Variants in PTPRK observed in about 807,000 individuals in gnomAD.
PTPRK encodes protein tyrosine phosphatase receptor type K.
A neutral mutation model predicts 178.0 loss-of-function variants in PTPRK; 75 were observed. That is an observed-to-expected ratio of 0.42 (90% CI 0.35 to 0.51). PTPRK has a LOEUF of 0.51. Among genes scored for constraint, PTPRK ranks in the 20% least tolerant of loss-of-function variants. The pLI, the probability that PTPRK is intolerant of heterozygous loss-of-function variation, is 0.02. For missense variants in PTPRK, 1,441 were observed against 1,797.8 expected (o/e 0.80, Z 3.59); for synonymous variants, 637 against 620.6 (o/e 1.03, Z -0.39).
At chr6:128,498,538 C>T (rs1855071069) in intron 1 of PTPRK, among the ~76,000 whole-genome samples, 2 of 152,148 alleles carry the variant, frequency 1.3e-5, no homozygotes, top group South Asian at 2.1e-4. Flanking sequence ...GGCATCAATG[C>T]TCCTCTGTCC....
At position 128,110,076 on chromosome 6, in the gene PTPRK, AT is replaced by A. The variant is rs1319791396; in HGVS notation, c.1163-20085del. Among the ~76,000 whole-genome samples the A allele has an allele frequency of 2.6e-5, 4 of 152,048 alleles. No individual in the cohort carries two copies. In the East Asian group the frequency reaches 7.7e-4, roughly 29 times the overall value. Reference sequence around the variant, plus strand: ...ATGCACCACCATGTTGATTTGTTTTATTTTTTGGGGCTACTTATTTTTATTT... The same window carrying A: ...ATGCACCACCATGTTGATTTGTTTTATTTTTGGGGCTACTTATTTTTATTT... On this transcript the variant is annotated intron_variant, in intron 7 of 29. Transcript: ENST00000368226.
At chr6:128,440,481 G>T (rs1846140336) in intron 1 of PTPRK, among the ~76,000 whole-genome samples, 1 of 152,064 alleles carries the variant, frequency 6.6e-6, no homozygotes, top group African/African-American at 2.4e-5. Flanking sequence ...AAATATATTT[G>T]TATGTTTCAA....
At chr6:128,351,717 A>G (rs1442753544) in intron 2 of PTPRK, among the ~76,000 whole-genome samples, 1 of 152,176 alleles carries the variant, frequency 6.6e-6, no homozygotes, top group Non-Finnish European at 1.5e-5. Context: ...ACTTACATGA[A>G]ACAAATAAAA....
At chr6:128,342,389 G>A (rs1831791663) in intron 2 of PTPRK, among the ~76,000 whole-genome samples, 1 of 151,990 alleles carries the variant, frequency 6.6e-6, no homozygotes, top group Admixed American at 6.6e-5. Flanking sequence ...AAAGACCAAG[G>A]TTTCTATAAG....
At chr6:128,018,808 G>A (rs771942909) in intron 13 of PTPRK, among the ~76,000 whole-genome samples, 1 of 151,990 alleles carries the variant, frequency 6.6e-6, no homozygotes, top group South Asian at 2.1e-4. Flanking sequence ...ATTAGATGGA[G>A]GGAAGTCTAC....
At chr6:128,017,250 T>C (rs1369221011) in intron 13 of PTPRK, among the ~76,000 whole-genome samples, 2 of 152,062 alleles carry the variant, frequency 1.3e-5, no homozygotes, top group African/African-American at 4.8e-5. Flanking sequence ...GATAGCATCT[T>C]GTTAATCTTT....
chr6:128,222,957 C>T (rs1390089476), intron 5 of PTPRK, among the ~76,000 whole-genome samples: 2 of 152,120 alleles, frequency 1.3e-5, no homozygotes, highest in African/African-American at 4.8e-5. Flanking sequence ...CGCATTCCAT[C>T]AGCTCATATA....
At chr6:128,480,109 C>T (rs1385696394) in intron 1 of PTPRK, among the ~76,000 whole-genome samples, 1 of 152,186 alleles carries the variant, frequency 6.6e-6, no homozygotes, top group East Asian at 1.9e-4. Flanking sequence ...CACCTTAGGC[C>T]AATGTTCTTT....
Position 127,991,322 on chromosome 6 carries a change from A to G in PTPRK, c.2951T>C (p.Met984Thr). 6.3e-7 allele frequency: 1 copy of G among 1,598,090 alleles called. No individual in the cohort carries two copies. The highest frequency in any genetic ancestry group is 8.5e-7 in the Non-Finnish European group (1 of 1,172,740). Residue 984 changes from methionine to threonine, a missense_variant, in exon 20 of 30, where the codon ATG (methionine) becomes ACG (threonine). This residue lies in a region of PTPRK where 945 missense variants were observed against 1,080.6 expected (regional missense o/e 0.87). Coordinates refer to ENST00000368226, the MANE Select transcript of PTPRK (RefSeq NM_002844.4). ...IWQEQSACIVMVTNLVEVGRV... is the reference protein window; with the variant it reads ...IWQEQSACIVTVTNLVEVGRV... ...GCCAACCTCAACTAAATTTGTAACC[A>G]TCACAATGCAAGCAGATTGTTCTTG...
chr6:128,463,348 T>C (rs370786994), intron 1 of PTPRK, among the ~76,000 whole-genome samples: 10 of 152,274 alleles, frequency 6.6e-5, no homozygotes, highest in African/African-American at 2.2e-4. Context: ...AGTGTTTGGA[T>C]CACCTGGCAG....
rs1033152922 is a variant in PTPRK, at chr6:127,983,327, T to C, written c.3302A>G (p.Asp1101Gly). The C allele has an allele frequency of 1.2e-6, 2 of 1,613,742 alleles. No individual in the cohort carries two copies. The highest frequency in any genetic ancestry group is 3.3e-5 in the Admixed American group (2 of 60,022). ...GCYIVIDIML[D>G]MAEREGVVDI... ...AACAACACCCTCTCTTTCAGCCATG[T>C]CTAGCATGATGTCAATCACAATGTA... is the stretch of plus-strand genomic sequence containing the variant. Residue 1101 changes from aspartate to glycine, a missense_variant, in exon 23 of 30, where the codon GAC becomes GGC. Asp to Gly is a moderately conservative substitution (Grantham distance 94). Coordinates refer to ENST00000368226, the MANE Select transcript of PTPRK (RefSeq NM_002844.4).
intron 3 of PTPRK, among the ~76,000 whole-genome samples, chr6:128,273,629 T>C (rs911969786): frequency 4.6e-5 from 7 of 152,128 alleles, no homozygotes; most frequent in East Asian, 3.9e-4. Context: ...CACCTCAAGA[T>C]TGAACTCCAG....
At chr6:128,165,467 G>GA (rs1799266133) in intron 7 of PTPRK, among the ~76,000 whole-genome samples, 1 of 151,130 alleles carries the variant, frequency 6.6e-6, no homozygotes, top group South Asian at 2.1e-4. Context: ...TTGTGAGAAG[G>GA]AAAATCATTC....
intron 13 of PTPRK, among the ~76,000 whole-genome samples, chr6:128,016,545 GTA>G (rs1779614117): frequency 6.6e-6 from 1 of 151,832 alleles, no homozygotes; most frequent in Admixed American, 6.6e-5. Flanking sequence ...AAAATATTCA[GTA>G]TGCCAAGGTG....
At chr6:128,263,774 T>A (rs528188883) in intron 3 of PTPRK, among the ~76,000 whole-genome samples, 48 of 152,256 alleles carry the variant, frequency 3.2e-4, no homozygotes, top group Admixed American at 7.2e-4. Flanking sequence ...GTGTGCCTGA[T>A]AAGTGTATGG....
At chr6:128,387,073 A>G (rs1399437169) in intron 2 of PTPRK, among the ~76,000 whole-genome samples, 1 of 152,138 alleles carries the variant, frequency 6.6e-6, no homozygotes, top group Non-Finnish European at 1.5e-5. Context: ...GTCTAAATAA[A>G]TAAATAAATA....
chr6:128,223,373 A>T (rs1810746448), intron 5 of PTPRK, among the ~76,000 whole-genome samples: 1 of 152,044 alleles, frequency 6.6e-6, no homozygotes, highest in African/African-American at 2.4e-5. Context: ...TTTCAAGGAC[A>T]CCAAGAGATC....
At chr6:128,135,574 G>A (rs538513812) in intron 7 of PTPRK, among the ~76,000 whole-genome samples, 7 of 152,290 alleles carry the variant, frequency 4.6e-5, no homozygotes, top group African/African-American at 1.7e-4. Context: ...GAGCCTGAAA[G>A]GTGTATGGCC....
chr6:128,062,427 A>G (rs1781003580), intron 13 of PTPRK: 1 of 166,738 alleles, frequency 6.0e-6, no homozygotes, highest in African/African-American at 2.4e-5. Flanking sequence ...GAAAAATGCT[A>G]AAGGTTCAGA....
Sources: allele counts gnomAD v4.1 joint callset (sites outside exome capture counted in the v4.1 genomes callset), GRCh38; gene constraint gnomAD v4.1.1; regional missense constraint gnomAD v4.1.1; transcripts MANE v1.5; gene names NCBI Gene and HGNC (gene_info 2026-07-23, HGNC 2026-07-21).